Variants in VAMP4 observed in about 807,000 individuals in gnomAD.
VAMP4 encodes vesicle associated membrane protein 4.
VAMP4 carries 19 observed loss-of-function variants against 23.5 expected under a neutral mutation model. That is an observed-to-expected ratio of 0.81 (90% CI 0.56 to 1.19). The LOEUF is 1.19. Among genes scored for constraint, VAMP4 ranks in the 50% most tolerant of loss-of-function variants. The probability of loss-of-function intolerance (pLI) is 0.00; values close to 1 mark genes in which losing one functional copy is unlikely to be tolerated. For synonymous variants in VAMP4, 31 were observed against 51.0 expected (o/e 0.61, Z 1.67); for missense variants, 145 against 168.6 (o/e 0.86, Z 0.78).
At chr1:171,714,179 T>C (rs936594358) in intron 4 of VAMP4, among the ~76,000 whole-genome samples, 3 of 152,204 alleles carry the variant, frequency 2.0e-5, no homozygotes, top group African/African-American at 4.8e-5. Context: ...ACAATTTTTG[T>C]AGAAGAAAGA....
In VAMP4 at chr1:171,704,539, A is replaced by G; in HGVS notation, c.398-5T>C. ...GGTATTTCATGACTATAAGAACTGT[A>G]AGAGAAAACATGAAAAAAGCAATAT... On this transcript the variant is annotated splice_region_variant and splice_polypyrimidine_tract_variant and intron_variant, in intron 7 of 7. Transcript: ENST00000236192. The G allele has an allele frequency of 6.3e-7, 1 of 1,577,032 alleles. No individual in the cohort carries two copies. The highest frequency in any genetic ancestry group is 8.6e-7 in the Non-Finnish European group (1 of 1,160,364).
chr1:171,741,337 G>A (rs1655918184), intron 1 of VAMP4, among the ~76,000 whole-genome samples: 1 of 152,144 alleles, frequency 6.6e-6, no homozygotes, highest in Admixed American at 6.5e-5. Flanking sequence ...GCTTGATGCA[G>A]TTTCACAGAA....
At position 171,710,789 on chromosome 1, in the gene VAMP4, T is replaced by C. The variant is rs1654824507; in HGVS notation, c.190A>G (p.Ile64Val). ...GTAATATTTTCTTGCATGACATCAA[T>C]AACTTCATCCACTTGATTCTGAACA... ...KHVQNQVDEV[I>V]DVMQENITKV... Residue 64 changes from isoleucine (I) to valine (V), a missense_variant, in exon 5 of 8, where the codon ATT becomes GTT. Transcript: ENST00000236192. 1.9e-6 allele frequency: 3 copies of C among 1,609,148 alleles called. No individual in the cohort carries two copies. The highest frequency in any genetic ancestry group is 2.5e-6 in the Non-Finnish European group (3 of 1,177,716).
rs953585039 is a variant in VAMP4, at chr1:171,700,966, A to G, written c.*3540T>C. On this transcript the variant is annotated 3_prime_UTR_variant, in exon 8 of 8. Coordinates refer to ENST00000236192, the MANE Select transcript of VAMP4 (RefSeq NM_003762.5). ...CATTTGTATTCCCATCCCTAATTCT[A>G]CTTGGTTTCCAGAAGAAAAAAAAAA... 11 of 152,072 alleles carry G rather than the reference A, an allele frequency of 7.2e-5. No individual in the cohort carries two copies. The highest frequency in any genetic ancestry group is 2.7e-4 in the African/African-American group (11 of 41,390). 9.4% of individuals were successfully genotyped at this position (152,072 alleles called of 1,614,324 possible).
At chr1:171,710,271 C>A (rs543799593) in intron 5 of VAMP4, among the ~76,000 whole-genome samples, 1 of 150,290 alleles carries the variant, frequency 6.7e-6, no homozygotes, top group African/African-American at 2.4e-5. Context: ...CAAGTACGTG[C>A]CAGGTATAGG....
In VAMP4 at chr1:171,740,647, CAG is replaced by C. The variant is rs1558117651; in HGVS notation, c.-50+1261_-50+1262del. ...ATACTTCATTCATGCAGAAATGTAA[CAG>C]AATGCATGGAAAAACAGATGACAAG... On this transcript the variant is annotated intron_variant, in intron 1 of 7. Coordinates refer to ENST00000236192, the MANE Select transcript of VAMP4 (RefSeq NM_003762.5). 2.6e-5 allele frequency among the ~76,000 whole-genome samples: 4 copies of C among 152,262 alleles called. No individual in the cohort carries two copies. The South Asian group carries it at 6.2e-4, about 24-fold the overall frequency.
In VAMP4 at chr1:171,704,406, G is replaced by T; in HGVS notation, c.*100C>A. 2.0e-6 allele frequency: 2 copies of T among 989,956 alleles called. No individual in the cohort carries two copies. Among genetic ancestry groups the T allele is most frequent in the African/African-American group, 3.4e-5 (2 of 59,364 alleles). 61.3% of individuals were successfully genotyped at this position (989,956 alleles called of 1,614,324 possible). On this transcript the variant is annotated 3_prime_UTR_variant, in exon 8 of 8. Transcript: ENST00000236192. ...ACTTGCCTCTTAGTTTCTTGAAAAA[G>T]AAGTTTTGAAAGTTATATACACATA...
rs1491191676 is a variant in VAMP4, at chr1:171,703,418, T to TA, written c.*1087_*1088insT. 12 of 90,874 alleles carry TA rather than the reference T, an allele frequency of 1.3e-4. No individual in the cohort carries two copies. The highest frequency in any genetic ancestry group is 4.6e-4 in the African/African-American group (11 of 24,064). 5.6% of individuals were successfully genotyped at this position (90,874 alleles called of 1,614,324 possible). On this transcript the variant is annotated 3_prime_UTR_variant, in exon 8 of 8. Coordinates refer to ENST00000236192, the MANE Select transcript of VAMP4 (RefSeq NM_003762.5). ...GTGTGTGTGTGTGTGTGTGTGTGTG[T>TA]TTGTGTGTATATATATATATATATA...
chr1:171,723,874 T>TA (rs1164416961), intron 3 of VAMP4, among the ~76,000 whole-genome samples: 1 of 152,164 alleles, frequency 6.6e-6, no homozygotes, highest in Non-Finnish European at 1.5e-5. Context: ...TAAGAAATTA[T>TA]AAAAGTATTA....
At chr1:171,704,617 G>GC in intron 7 of VAMP4, 83 bp from the exon 8 acceptor site, 1 of 1,072,116 alleles carries the variant, frequency 9.3e-7, no homozygotes, top group South Asian at 2.1e-5. Flanking sequence ...AAATGTAGTT[G>GC]TGTCTACTTT....
rs1654407793 is a variant in VAMP4 at position 171,700,924 on chromosome 1, AG to A, written c.*3581del. On this transcript the variant is annotated 3_prime_UTR_variant, in exon 8 of 8. Transcript: ENST00000236192. ...TCCAAGAAGCTTCTTGGAATAAAAC[AG>A]AAGCCAGAATAAATGCATTTGTATT... 6.6e-6 allele frequency: 1 copy of A among 152,176 alleles called. No homozygotes were observed. The highest frequency in any genetic ancestry group is 2.4e-5 in the African/African-American group (1 of 41,452). The allele number at this position is 152,176 out of a possible 1,614,324, so 9.4% of individuals were successfully genotyped here. A position where few individuals can be genotyped will look rare whatever the true frequency, so the allele number is the denominator to read the frequency against.
intron 7 of VAMP4, 83 bp from the exon 8 acceptor site, chr1:171,704,617 G>T (rs1654589741): frequency 8.4e-6 from 9 of 1,072,116 alleles, no homozygotes; most frequent in South Asian, 2.1e-5. Flanking sequence ...AAATGTAGTT[G>T]TGTCTACTTT....
At chr1:171,719,254 T>C (rs753739097) in intron 3 of VAMP4, 33 bp from the exon 4 acceptor site, 2 of 1,568,658 alleles carry the variant, frequency 1.3e-6, no homozygotes, top group Non-Finnish European at 1.7e-6. Context: ...TACATATTAG[T>C]AGTGACAGGA....
chr1:171,726,700 TA>T (rs986957142), intron 3 of VAMP4, among the ~76,000 whole-genome samples: 2 of 152,042 alleles, frequency 1.3e-5, no homozygotes, highest in Non-Finnish European at 2.9e-5. Context: ...GTCAAAACTA[TA>T]AAACTCCTAG....
Position 171,723,161 on chromosome 1 carries a change from A to C in VAMP4, c.114-3940T>G, listed in dbSNP as rs546779346. ...TGTACTAATAGGGTGTGGATTATAG[A>C]GATCACATGCTTCACAAGGCAATAA... On this transcript the variant is annotated intron_variant, in intron 3 of 7. Transcript: ENST00000236192. Among the ~76,000 whole-genome samples the C allele has an allele frequency of 7.9e-5, 12 of 152,288 alleles. No individual in the cohort carries two copies. In the East Asian group the frequency reaches 2.1e-3, roughly 27 times the overall value.
At chr1:171,738,208 G>T in intron 2 of VAMP4, 141 bp downstream of exon 2, 1 of 838,958 alleles carries the variant, frequency 1.2e-6, no homozygotes. Flanking sequence ...CTGGGCTCAA[G>T]CTATTCTGCT....
Position 171,709,676 on chromosome 1 carries a change from GCCA to G in VAMP4, c.331_333del (p.Trp111del). 2 of 1,612,306 alleles carry G rather than the reference GCCA, an allele frequency of 1.2e-6. No individual in the cohort carries two copies. The highest frequency in any genetic ancestry group is 1.7e-6 in the Non-Finnish European group (2 of 1,178,964). ...TCTGATTTACTTACTTTGCATCCAC[GCCA>G]CCACATTTGCCTTCGAAGTTGTTTG... On this transcript the variant is annotated inframe_deletion, in exon 6 of 8. Coordinates refer to ENST00000236192, the MANE Select transcript of VAMP4 (RefSeq NM_003762.5).
chr1:171,725,594 A>C (rs1039297815), intron 3 of VAMP4, among the ~76,000 whole-genome samples: 1 of 152,076 alleles, frequency 6.6e-6, no homozygotes, highest in East Asian at 1.9e-4. Context: ...ATCTCCCCAC[A>C]TTATCTGACA....
At chr1:171,727,842 C>T (rs1476569285) in intron 3 of VAMP4, among the ~76,000 whole-genome samples, 2 of 152,192 alleles carry the variant, frequency 1.3e-5, no homozygotes, top group African/African-American at 4.8e-5. Context: ...AGGGGGCATA[C>T]TGCATGATTT....
Sources: gnomAD v4.1 joint callset for allele counts (sites outside exome capture counted in the v4.1 genomes callset) on GRCh38, gnomAD v4.1.1 for gene constraint, MANE v1.5 for transcripts, NCBI Gene and HGNC (gene_info 2026-07-23, HGNC 2026-07-21) for gene names.